GFM2: variants seen among roughly 807,000 people sequenced by gnomAD.
The protein encoded by GFM2 is ribosome-releasing factor 2, mitochondrial.
A neutral mutation model predicts 95.4 loss-of-function variants in GFM2; 72 were observed. That is an observed-to-expected ratio of 0.76 (90% CI 0.62 to 0.92). GFM2 has a LOEUF of 0.92. Among genes scored for constraint, GFM2 ranks in the 40% least tolerant of loss-of-function variants. The pLI is 0.00. For synonymous variants in GFM2, 276 were observed against 317.5 expected (o/e 0.87, Z 1.39); for missense variants, 825 against 924.1 (o/e 0.89, Z 1.39).
intron 1 of GFM2, among the ~76,000 whole-genome samples, chr5:74,764,773 T>A (rs1373095787): frequency 6.8e-6 from 1 of 146,176 alleles, no homozygotes; most frequent in African/African-American, 2.6e-5. Flanking sequence ...TCTGTTCCCT[T>A]TGTTGTTTTT....
chr5:74,734,352 G>A (rs1466885951), intron 15 of GFM2, among the ~76,000 whole-genome samples: 3 of 151,742 alleles, frequency 2.0e-5, no homozygotes, highest in African/African-American at 7.3e-5. Flanking sequence ...GTTTGATGTG[G>A]CTATAAGAAA....
At chr5:74,745,250 C>A (rs1174054093) in intron 10 of GFM2, among the ~76,000 whole-genome samples, 1 of 152,122 alleles carries the variant, frequency 6.6e-6, no homozygotes, top group African/African-American at 2.4e-5. Context: ...GAGGCTGAGG[C>A]AGGAGAATCA....
intron 15 of GFM2, among the ~76,000 whole-genome samples, chr5:74,734,104 C>A (rs1193951254): frequency 6.6e-6 from 1 of 151,932 alleles, no homozygotes; most frequent in East Asian, 1.9e-4. Flanking sequence ...ACAAACCAGG[C>A]CTTTTAGACC....
Position 74,758,885 on chromosome 5 carries a change from T to C in GFM2, c.268A>G (p.Ile90Val). Residue 90 changes from isoleucine (I) to valine (V), a missense_variant, in exon 5 of 21, where the codon ATA (isoleucine) becomes GTA (valine). Coordinates refer to ENST00000296805, the MANE Select transcript of GFM2 (RefSeq NM_032380.5). ...DAGKTTTTER[I>V]LYYSGYTRSL... is the part of the protein sequence containing the mutation. ...CTTGTATATCCGGAATAGTACAATA[T>C]TCTTTCTGTGGTGGTAGTTTTGCCT... 1 of 1,609,642 alleles carries C rather than the reference T, an allele frequency of 6.2e-7. No individual in the cohort carries two copies. The highest frequency in any genetic ancestry group is 8.5e-7 in the Non-Finnish European group (1 of 1,175,970).
At chr5:74,763,587 T>G in intron 2 of GFM2, 93 bp downstream of exon 2, 1 of 658,702 alleles carries the variant, frequency 1.5e-6, no homozygotes, top group South Asian at 2.1e-5. Context: ...CAACTAAATT[T>G]GGAATCAACA....
chr5:74,755,177 G>T (rs1373739917), intron 5 of GFM2, among the ~76,000 whole-genome samples: 2 of 152,024 alleles, frequency 1.3e-5, no homozygotes, highest in African/African-American at 4.8e-5. Context: ...CCCAAAAACT[G>T]AAGAATATAT....
chr5:74,740,135 T>C lies in GFM2; in HGVS notation c.933A>G (p.Leu311=), dbSNP rs746230614. 6.9e-6 allele frequency: 11 copies of C among 1,596,306 alleles called. No individual in the cohort carries two copies. Among genetic ancestry groups the C allele is most frequent in the African/African-American group, 1.4e-5 (1 of 73,640 alleles). Residue 311 remains leucine, a splice_region_variant and synonymous_variant, in exon 12 of 21, where the codon CTA becomes CTG. Coordinates refer to ENST00000296805, the MANE Select transcript of GFM2 (RefSeq NM_032380.5). ...GTGTCACTCTATGTATTGCAGTCTGTAGCTACAGAGCAGAGATACAAATGA... is the reference window on the plus strand; with the variant it reads ...GTGTCACTCTATGTATTGCAGTCTGCAGCTACAGAGCAGAGATACAAATGA... ...ENFDLLPAEK[L]QTAIHRVTLA...
intron 5 of GFM2, among the ~76,000 whole-genome samples, chr5:74,757,719 AGC>A (rs1744063089): frequency 7.4e-6 from 1 of 134,972 alleles, no homozygotes; most frequent in Admixed American, 7.9e-5. Flanking sequence ...ACAGAGCAAG[AGC>A]CTATGTCTCT....
At chr5:74,741,829 C>A in intron 10 of GFM2, 1 of 343,138 alleles carries the variant, frequency 2.9e-6, no homozygotes, top group Non-Finnish European at 5.3e-6. Context: ...TTCCTAAATT[C>A]ACAGAAAGCC....
chr5:74,766,725 A>C (rs913932809), intron 1 of GFM2, among the ~76,000 whole-genome samples: 1 of 152,208 alleles, frequency 6.6e-6, no homozygotes, highest in Non-Finnish European at 1.5e-5. Context: ...AATCATGCAC[A>C]CATTACACAG....
Position 74,721,569 on chromosome 5 carries a change from G to A in GFM2, c.*86C>T, listed in dbSNP as rs959395345. ...AATGTACTGAAACAGTACTTTATTC[G>A]TCCAATAAATAAAGCAATAAAAATT... On this transcript the variant is annotated 3_prime_UTR_variant, in exon 21 of 21. Coordinates refer to ENST00000296805, the MANE Select transcript of GFM2 (RefSeq NM_032380.5). 2.7e-5 allele frequency: 36 copies of A among 1,351,556 alleles called. No individual in the cohort carries two copies. The highest frequency in any genetic ancestry group is 9.9e-5 in the South Asian group (8 of 80,432). 83.7% of individuals were successfully genotyped at this position (1,351,556 alleles called of 1,614,324 possible).
intron 7 of GFM2, among the ~76,000 whole-genome samples, chr5:74,748,808 T>C (rs564333394): frequency 1.3e-5 from 2 of 149,904 alleles, no homozygotes; most frequent in African/African-American, 4.9e-5. Flanking sequence ...GAGGTTACAG[T>C]GAGCCAAGAT....
chr5:74,740,957 A>T (rs774409745), intron 11 of GFM2, among the ~76,000 whole-genome samples: 1 of 152,192 alleles, frequency 6.6e-6, no homozygotes, highest in Non-Finnish European at 1.5e-5. Flanking sequence ...AAAAATAAAC[A>T]GTAAATTTGC....
chr5:74,745,929 C>G (rs939349366), intron 9 of GFM2, 72 bp from the exon 10 acceptor site: 1 of 1,315,080 alleles, frequency 7.6e-7, no homozygotes, highest in Admixed American at 2.1e-5. Flanking sequence ...CAAGTCTTTT[C>G]TAATTGTACC....
In GFM2 at chr5:74,722,504, C is replaced by T; in HGVS notation, c.2086G>A (p.Val696Ile). 3 of 1,613,988 alleles carry T rather than the reference C, an allele frequency of 1.9e-6. No homozygotes were observed. Among genetic ancestry groups the T allele is most frequent in the Non-Finnish European group, 2.5e-6 (3 of 1,179,916 alleles). The change falls in exon 20 of 21, where the codon GTA becomes ATA. Residue 696 changes from valine (V) to isoleucine (I), a missense_variant. Physicochemically the swap from Val to Ile is conservative, Grantham distance 29 (BLOSUM62 3). Transcript: ENST00000296805. ...ACAGGGCTGAGATAATCTCTAGCTA[C>T]TGTAACCTCAAGATTCATCAGAGGC... is the stretch of plus-strand genomic sequence containing the variant. ...LEPLMNLEVT[V>I]ARDYLSPVLA...
chr5:74,765,771 TG>T (rs1744550849), intron 1 of GFM2, among the ~76,000 whole-genome samples: 1 of 151,790 alleles, frequency 6.6e-6, no homozygotes, highest in Non-Finnish European at 1.5e-5. Context: ...CCGAGGCAGG[TG>T]GATCACCTGA....
Position 74,722,513 on chromosome 5 carries a change from C to T in GFM2, c.2077G>A (p.Glu693Lys). 6.2e-7 allele frequency: 1 copy of T among 1,613,920 alleles called. No homozygotes were observed. The highest frequency in any genetic ancestry group is 8.5e-7 in the Non-Finnish European group (1 of 1,179,890). The change falls in exon 20 of 21, where the codon GAG (glutamate) becomes AAG (lysine). Residue 693 changes from glutamate (E) to lysine (K), a missense_variant. Physicochemically the swap from Glu to Lys is moderately conservative, Grantham distance 56 (BLOSUM62 1). Coordinates refer to ENST00000296805, the MANE Select transcript of GFM2 (RefSeq NM_032380.5). ...AGATAATCTCTAGCTACTGTAACCT[C>T]AAGATTCATCAGAGGCTCCAAAACT... ...KQVLEPLMNL[E>K]VTVARDYLSP...
intron 1 of GFM2, 75 bp from the exon 2 acceptor site, chr5:74,763,841 CAT>C (rs1042344172): frequency 2.2e-5 from 18 of 824,796 alleles, no homozygotes; most frequent in African/African-American, 1.7e-5. Flanking sequence ...GTAAGTTAGA[CAT>C]ATGTAATATG....
At chr5:74,727,197 G>A (rs1023719880) in intron 17 of GFM2, among the ~76,000 whole-genome samples, 4 of 152,072 alleles carry the variant, frequency 2.6e-5, no homozygotes, top group Admixed American at 6.5e-5. Flanking sequence ...ATAAATATAC[G>A]TTTATATATG....
Sources: allele counts gnomAD v4.1 joint callset (sites outside exome capture counted in the v4.1 genomes callset), GRCh38; gene constraint gnomAD v4.1.1; transcripts MANE v1.5; gene names NCBI Gene and HGNC (gene_info 2026-07-23, HGNC 2026-07-21).